PRKACA: variants seen among roughly 807,000 people sequenced by gnomAD.
PRKACA encodes the protein protein kinase cAMP-activated catalytic subunit alpha.
A neutral mutation model predicts 45.8 loss-of-function variants in PRKACA; 9 were observed. The ratio of observed to expected loss-of-function variants is 0.20; its 90% CI spans 0.12 to 0.34. The LOEUF (loss-of-function observed/expected upper bound fraction) is 0.34. Among genes scored for constraint, PRKACA ranks in the 10% least tolerant of loss-of-function variants. PRKACA has a pLI of 1.00. For synonymous variants in PRKACA, 160 were observed against 178.6 expected, an observed-to-expected ratio of 0.90 and a Z score of 0.83; for missense variants, 238 against 458.6, an observed-to-expected ratio of 0.52 and a Z score of 4.39.
Position 14,108,029 on chromosome 19 carries a change from G to A in PRKACA, c.47-620C>T, listed in dbSNP as rs748702690. The A allele has an allele frequency of 5.1e-6, 5 of 985,916 alleles. No homozygotes were observed. The African/African-American group carries it at 5.2e-5, about 10-fold the overall frequency. The allele number at this position is 985,916 out of a possible 1,614,324, so 61.1% of individuals were successfully genotyped here. A position where few individuals can be genotyped will look rare whatever the true frequency, so the allele number is the denominator to read the frequency against. On this transcript the variant is annotated intron_variant, in intron 1 of 9. Transcript: ENST00000308677. Reference sequence around the variant, plus strand: ...AAACTTCCCCGGCAGACCCTGTGCCGGCTGCTGTCTACACTGTCTCATCTG... The same window carrying A: ...AAACTTCCCCGGCAGACCCTGTGCCAGCTGCTGTCTACACTGTCTCATCTG...
intron 2 of PRKACA, 144 bp downstream of exon 2, chr19:14,107,204 C>A: frequency 4.4e-6 from 4 of 909,690 alleles, no homozygotes; most frequent in Non-Finnish European, 6.8e-6. Context: ...ACACAGGAGC[C>A]CCCATGGGCA....
intron 3 of PRKACA, among the ~76,000 whole-genome samples, chr19:14,105,924 C>T (rs1313392992): frequency 2.0e-5 from 3 of 152,188 alleles, no homozygotes; most frequent in African/African-American, 7.2e-5. Context: ...TTGTTCTCCT[C>T]CTGTTGGGCT....
chr19:14,104,695 CAAA>C (rs1187253406), intron 3 of PRKACA, among the ~76,000 whole-genome samples: 5 of 53,214 alleles, frequency 9.4e-5, no homozygotes, highest in Non-Finnish European at 1.2e-4. Flanking sequence ...GACTCCATCT[CAAA>C]AAAAAAAAAA....
At chr19:14,103,415 C>T (rs890606353) in intron 3 of PRKACA, among the ~76,000 whole-genome samples, 1 of 152,144 alleles carries the variant, frequency 6.6e-6, no homozygotes, top group African/African-American at 2.4e-5. Context: ...ATCAGCTGTC[C>T]CCTAATAGCA....
At chr19:14,109,259 G>A (rs1977700945) in intron 1 of PRKACA, among the ~76,000 whole-genome samples, 2 of 151,898 alleles carry the variant, frequency 1.3e-5, no homozygotes, top group South Asian at 4.2e-4. Flanking sequence ...AAGGCGGGTA[G>A]ATCACTTGAG....
chr19:14,093,295 C>A (rs1977146773), intron 9 of PRKACA, 58 bp from the exon 10 acceptor site: 1 of 1,579,946 alleles, frequency 6.3e-7, no homozygotes, highest in South Asian at 1.1e-5. Flanking sequence ...ATTATTACAA[C>A]AATAAATGCG....
Position 14,097,530 on chromosome 19 carries a change from G to A in PRKACA, c.643-47C>T. ...CAGGGTGAGGAGGAGGCGAGAGCAG[G>A]AGAGCAGAGCCGGCCTCAGGGGAAG... On this transcript the variant is annotated intron_variant, in intron 7 of 9. Transcript: ENST00000308677. This position sits in a 1 kb window ranked among gnomAD's most constrained non-coding sequence, Gnocchi z 5.4. 6.2e-7 allele frequency: 1 copy of A among 1,613,658 alleles called. No homozygotes were observed. Among genetic ancestry groups the A allele is most frequent in the Non-Finnish European group, 8.5e-7 (1 of 1,179,740 alleles).
At chr19:14,105,484 C>G (rs1175026844) in intron 3 of PRKACA, among the ~76,000 whole-genome samples, 1 of 150,866 alleles carries the variant, frequency 6.6e-6, no homozygotes, top group Admixed American at 6.6e-5. Context: ...GCAGTCCAGC[C>G]TGGGCGACAA....
intron 1 of PRKACA, among the ~76,000 whole-genome samples, chr19:14,115,646 G>A (rs1460646147): frequency 2.6e-5 from 4 of 152,186 alleles, no homozygotes; most frequent in African/African-American, 9.7e-5. Context: ...CTGGGTGTCT[G>A]ACCTGTGCTC....
At position 14,117,682 on chromosome 19, in the gene PRKACA, C is replaced by T; in HGVS notation, c.-135G>A. 3.2e-6 allele frequency: 1 copy of T among 313,470 alleles called. No individual in the cohort carries two copies. Among genetic ancestry groups the T allele is most frequent in the Non-Finnish European group, 4.6e-6 (1 of 216,866 alleles). The allele number at this position is 313,470 out of a possible 1,614,324, so 19.4% of individuals were successfully genotyped here. On this transcript the variant is annotated 5_prime_UTR_variant, in exon 1 of 10. Coordinates refer to ENST00000308677, the MANE Select transcript of PRKACA (RefSeq NM_002730.4). ...GCTGCGCTAGCTGCGGCGCCGCGAC[C>T]CCCGCCCAGCCCCTGCTTCCCGCGT...
chr19:14,117,571 G>A lies in PRKACA; in HGVS notation c.-24C>T. 1 of 1,130,966 alleles carries A rather than the reference G, an allele frequency of 8.8e-7. No individual in the cohort carries two copies. Among genetic ancestry groups the A allele is most frequent in the African/African-American group, 1.6e-5 (1 of 60,774 alleles). The allele number at this position is 1,130,966 out of a possible 1,614,324, so 70.1% of individuals were successfully genotyped here. ...ATCGCGGCGGCGGCGGCCGGGGCCG[G>A]TCCCGGAGCTGCGGCGCGGCGGGTG... On this transcript the variant is annotated 5_prime_UTR_variant, in exon 1 of 10. Coordinates refer to ENST00000308677, the MANE Select transcript of PRKACA (RefSeq NM_002730.4).
intron 1 of PRKACA, among the ~76,000 whole-genome samples, chr19:14,116,342 GC>G (rs1967105333): frequency 6.6e-6 from 1 of 152,150 alleles, no homozygotes; most frequent in African/African-American, 2.4e-5. Flanking sequence ...TAATGTGTGG[GC>G]AAGTGGGTGA....
intron 9 of PRKACA, 75 bp from the exon 10 acceptor site, chr19:14,093,312 C>G (rs1489851721): frequency 1.3e-6 from 2 of 1,550,002 alleles, no homozygotes; most frequent in African/African-American, 1.4e-5. Flanking sequence ...TGCGAATGGC[C>G]TAACATTCAA....
chr19:14,110,818 G>T (rs1966944399), intron 1 of PRKACA, among the ~76,000 whole-genome samples: 1 of 152,150 alleles, frequency 6.6e-6, no homozygotes, highest in African/African-American at 2.4e-5. Flanking sequence ...GAGGTCACTT[G>T]CCTGCCCCCA....
chr19:14,115,237 A>T, intron 1 of PRKACA: 1 of 445,574 alleles, frequency 2.2e-6, no homozygotes. Flanking sequence ...TATCAGAGAA[A>T]ATATAACTGG....
At chr19:14,115,873 C>A (rs926431417) in intron 1 of PRKACA, among the ~76,000 whole-genome samples, 3 of 144,602 alleles carry the variant, frequency 2.1e-5, no homozygotes, top group Non-Finnish European at 3.0e-5. Flanking sequence ...CCTGACTCCT[C>A]CCCCCCCGGC....
At chr19:14,101,037 C>T (rs943026023) in intron 4 of PRKACA, 129 bp from the exon 5 acceptor site, 3 of 780,884 alleles carry the variant, frequency 3.8e-6, no homozygotes, top group African/African-American at 3.4e-5. Flanking sequence ...CTGTAGGAAT[C>T]ATGTTCTACA....
chr19:14,103,246 G>A (rs1977499317), intron 3 of PRKACA, among the ~76,000 whole-genome samples: 2 of 152,272 alleles, frequency 1.3e-5, no homozygotes, highest in Non-Finnish European at 2.9e-5. Flanking sequence ...TCTGGGGAAG[G>A]GGGAATCAGA....
At chr19:14,107,767 G>A (rs983373388) in intron 1 of PRKACA, 5 of 1,032,838 alleles carry the variant, frequency 4.8e-6, no homozygotes, top group Non-Finnish European at 5.8e-6. Flanking sequence ...TTGGGATTTG[G>A]CTGTTCCTCT....
Sources: gnomAD v4.1 joint callset for allele counts (sites outside exome capture counted in the v4.1 genomes callset) on GRCh38, gnomAD v4.1.1 for gene constraint, Gnocchi (gnomAD v3.1) non-coding constraint, MANE v1.5 for transcripts, NCBI Gene and HGNC (gene_info 2026-07-23, HGNC 2026-07-21) for gene names.